The following ATRX variants were observed in gnomAD, a reference collection of about 807,000 sequenced individuals.
The protein encoded by ATRX is ATRX chromatin remodeler, also known as chromatin remodeler ATRX.
Under a neutral mutation model 172.6 loss-of-function variants are expected in ATRX, and 12 were observed. That is an observed-to-expected ratio of 0.07 (90% CI 0.04 to 0.11). The LOEUF is 0.11. Ranked by LOEUF, ATRX falls within the 10% of genes least tolerant of loss-of-function variation. The pLI is 1.00. For missense variants in ATRX, 1,368 were observed against 1,767.4 expected, an observed-to-expected ratio of 0.77 and a Z score of 4.05; for synonymous variants, 674 against 594.7, an observed-to-expected ratio of 1.13 and a Z score of -1.94.
At chrX:77,558,645 T>C (rs1398632177) in intron 29 of ATRX, 24 bp downstream of exon 29, 8 of 1,141,058 alleles carry the variant, frequency 7.0e-6, no homozygotes, top group Admixed American at 2.2e-5. Context: ...ACTTTCAATA[T>C]GAAAAAGAGA....
At chrX:77,695,677 T>A (rs2072147978) in intron 5 of ATRX, among the ~76,000 whole-genome samples, 1 of 111,684 alleles carries the variant, frequency 9.0e-6, no homozygotes, top group Admixed American at 9.5e-5. Context: ...TTTCATTAAT[T>A]TCCTTTCCTC....
intron 1 of ATRX, among the ~76,000 whole-genome samples, chrX:77,742,383 C>A (rs2074909319): frequency 8.9e-6 from 1 of 111,740 alleles, no homozygotes. Context: ...AGTAGCAATT[C>A]TAGCGGAAAC....
chrX:77,687,038 C>A (rs2071608319), intron 7 of ATRX, among the ~76,000 whole-genome samples: 2 of 107,209 alleles, frequency 1.9e-5, no homozygotes, highest in South Asian at 4.2e-4. Flanking sequence ...CCTGTAATCC[C>A]AGCTACTCGA....
At position 77,633,390 on chromosome X, in the gene ATRX, G is replaced by A. The variant is rs2148338787; in HGVS notation, c.4957-6C>T. ...ACAGTTGCTAATTCAGAAACCTTTT[G>A]TGGGGAAATAAAGATTTTTTTAAGT... On this transcript the variant is annotated splice_polypyrimidine_tract_variant and splice_region_variant and intron_variant, in intron 18 of 34. Transcript: ENST00000373344. 1 of 1,203,709 alleles carries A rather than the reference G, an allele frequency of 8.3e-7. No individual in the cohort carries two copies. Among genetic ancestry groups the A allele is most frequent in the Non-Finnish European group, 1.1e-6 (1 of 891,881 alleles).
At chrX:77,544,407 TTTTC>T (rs2064146013) in intron 30 of ATRX, among the ~76,000 whole-genome samples, 1 of 111,378 alleles carries the variant, frequency 9.0e-6, no homozygotes, top group Non-Finnish European at 1.9e-5. Context: ...ATAATCTAGC[TTTTC>T]TTTTTCTTTT....
rs1035062301 is a variant in ATRX, at chrX:77,505,611, C to T, written c.*2740G>A. On this transcript the variant is annotated 3_prime_UTR_variant, in exon 35 of 35. Transcript: ENST00000373344. ...TCTCAATATTAAATAACTAAATGTG[C>T]AAAAGAACCACCATTATATAGGACA... 1.2e-5 allele frequency: 2 copies of T among 171,697 alleles called. No homozygotes were observed. Among genetic ancestry groups the T allele is most frequent in the African/African-American group, 3.0e-5 (1 of 33,696 alleles). 14.1% of individuals were successfully genotyped at this position (171,697 alleles called of 1,213,427 possible).
chrX:77,647,118 CAG>C (rs1237312745), intron 15 of ATRX, among the ~76,000 whole-genome samples: 3 of 111,065 alleles, frequency 2.7e-5, no homozygotes, highest in African/African-American at 9.8e-5. Flanking sequence ...AAATCCATAA[CAG>C]AAGACAACTG....
intron 19 of ATRX, among the ~76,000 whole-genome samples, chrX:77,625,777 T>C (rs1346328280): frequency 1.8e-5 from 2 of 109,768 alleles, no homozygotes; most frequent in African/African-American, 6.6e-5. Context: ...GGAACACTTC[T>C]ACACTGCTGG....
chrX:77,548,313 T>C lies in ATRX; in HGVS notation c.6699+9138A>G, dbSNP rs184833325. Among the ~76,000 whole-genome samples, 18 of 111,624 alleles carry C rather than the reference T, an allele frequency of 1.6e-4. No individual in the cohort carries two copies. The East Asian group carries it at 3.9e-3, about 24-fold the overall frequency. On this transcript the variant is annotated intron_variant, in intron 30 of 34. Coordinates refer to ENST00000373344, the MANE Select transcript of ATRX (RefSeq NM_000489.6). ...GTTATTTTTTCTGGTGGTCTATTCATATACAGATGAATAACAATCATTTTA... is the reference window on the plus strand; with the variant it reads ...GTTATTTTTTCTGGTGGTCTATTCACATACAGATGAATAACAATCATTTTA...
chrX:77,551,964 G>C (rs1429459115), intron 30 of ATRX, among the ~76,000 whole-genome samples: 2 of 111,592 alleles, frequency 1.8e-5, no homozygotes, highest in Admixed American at 9.5e-5. Flanking sequence ...AAAAAGTCAG[G>C]AAACAACAGG....
At chrX:77,649,574 C>T (rs2069104162) in intron 15 of ATRX, among the ~76,000 whole-genome samples, 2 of 111,838 alleles carry the variant, frequency 1.8e-5, no homozygotes, top group South Asian at 3.8e-4. Flanking sequence ...TGTGTCCCCA[C>T]CCAAATCTCA....
At position 77,688,834 on chromosome X, in the gene ATRX, T is replaced by C. The variant is rs1557145494; in HGVS notation, c.578A>G (p.Gln193Arg). ...KDSIYRHPSLQVLICKNCFKY... is the reference protein window; with the variant it reads ...KDSIYRHPSLRVLICKNCFKY... ...ATTACATACCTTACAAATAAGAACT[T>C]GCAATGAAGGGTGTCTATAAATGGA... The change falls in exon 7 of 35, where the codon CAA (glutamine) becomes CGA (arginine). Residue 193 changes from glutamine to arginine, a missense_variant. Gln to Arg is a conservative substitution (Grantham distance 43). Coordinates refer to ENST00000373344, the MANE Select transcript of ATRX (RefSeq NM_000489.6). 8.3e-7 allele frequency: 1 copy of C among 1,203,706 alleles called. No individual in the cohort carries two copies. Among genetic ancestry groups the C allele is most frequent in the South Asian group, 1.8e-5 (1 of 56,840 alleles).
intron 34 of ATRX, among the ~76,000 whole-genome samples, chrX:77,513,088 C>T (rs371610715): frequency 3.8e-4 from 42 of 109,285 alleles, no homozygotes; most frequent in South Asian, 2.4e-3. Flanking sequence ...GAGGCCGAGG[C>T]GGGAGGATCA....
intron 2 of ATRX, among the ~76,000 whole-genome samples, chrX:77,709,352 G>A (rs1280158377): frequency 8.9e-6 from 1 of 111,908 alleles, no homozygotes; most frequent in African/African-American, 3.2e-5. Context: ...TGGCAAGGAT[G>A]TGGAGAAACT....
chrX:77,765,954 T>C (rs1386596132), intron 1 of ATRX, among the ~76,000 whole-genome samples: 2 of 110,058 alleles, frequency 1.8e-5, no homozygotes, highest in Admixed American at 9.7e-5. Flanking sequence ...CCGCCCTTAA[T>C]CCATTTAACC....
At chrX:77,557,360 T>C in intron 30 of ATRX, 91 bp downstream of exon 30, 1 of 862,454 alleles carries the variant, frequency 1.2e-6, no homozygotes, top group Non-Finnish European at 1.7e-6. Context: ...TTCTGAAATA[T>C]AGCCTTAATC....
At chrX:77,745,285 T>C (rs933705504) in intron 1 of ATRX, among the ~76,000 whole-genome samples, 2 of 107,941 alleles carry the variant, frequency 1.9e-5, no homozygotes, top group African/African-American at 3.4e-5. Flanking sequence ...TTATCTGCAC[T>C]CCCATGATTA....
At chrX:77,541,767 A>T (rs2064007046) in intron 30 of ATRX, among the ~76,000 whole-genome samples, 1 of 111,823 alleles carries the variant, frequency 8.9e-6, no homozygotes, top group Non-Finnish European at 1.9e-5. Context: ...AAAGTCAACA[A>T]CCCTTCATGA....
intron 18 of ATRX, 22 bp from the exon 19 acceptor site, chrX:77,633,406 T>C: frequency 8.4e-7 from 1 of 1,195,960 alleles, no homozygotes; most frequent in African/African-American, 1.7e-5. Context: ...AAATAAAGAT[T>C]TTTTTAAGTA....
Sources: gnomAD v4.1 joint callset for allele counts (sites outside exome capture counted in the v4.1 genomes callset) on GRCh38, gnomAD v4.1.1 for gene constraint, MANE v1.5 for transcripts, NCBI Gene and HGNC (gene_info 2026-07-23, HGNC 2026-07-21) for gene names.